FRMPD1: variants seen among roughly 807,000 people sequenced by gnomAD.
The protein encoded by FRMPD1 is FERM and PDZ domain containing 1.
A neutral mutation model predicts 117.8 loss-of-function variants in FRMPD1; 76 were observed. That is an observed-to-expected ratio of 0.65 (90% CI 0.54 to 0.78). The LOEUF (loss-of-function observed/expected upper bound fraction) is 0.78, where lower values mean the gene tolerates loss of function less well. Ranked by LOEUF, FRMPD1 falls within the 30% of genes least tolerant of loss-of-function variation. The probability of loss-of-function intolerance (pLI) is 0.00; values close to 1 mark genes in which losing one functional copy is unlikely to be tolerated. For synonymous variants in FRMPD1, 783 were observed against 770.4 expected (o/e 1.02, Z -0.27); for missense variants, 1,786 against 1,964.5 (o/e 0.91, Z 1.72).
chr9:37,737,977 G>A (rs2118455354), intron 14 of FRMPD1, among the ~76,000 whole-genome samples: 1 of 152,280 alleles, frequency 6.6e-6, no homozygotes, highest in South Asian at 2.1e-4. Flanking sequence ...CTGCAAGGCA[G>A]GTAAGACAGT....
the FRMPD1 span, among the ~76,000 whole-genome samples, chr9:37,635,190 C>T: frequency 6.6e-6 from 1 of 152,104 alleles, no homozygotes; most frequent in Non-Finnish European, 1.5e-5. Flanking sequence ...TATTGGCTGT[C>T]CTCTATGGGT....
chr9:37,709,292 A>AT (rs201128058), intron 4 of FRMPD1, among the ~76,000 whole-genome samples: 35 of 151,906 alleles, frequency 2.3e-4, no homozygotes, highest in Non-Finnish European at 4.7e-4. Context: ...ATATATATAT[A>AT]AAATTCAGTT....
chr9:37,743,687 A>C (rs896521718), intron 15 of FRMPD1, among the ~76,000 whole-genome samples: 3 of 151,240 alleles, frequency 2.0e-5, no homozygotes, highest in South Asian at 4.2e-4. Context: ...AGAAGTTGAG[A>C]TGCTGTGACC....
chr9:37,641,105 C>G, the FRMPD1 span, among the ~76,000 whole-genome samples: 7 of 152,260 alleles, frequency 4.6e-5, no homozygotes, highest in Admixed American at 3.9e-4. Flanking sequence ...CCAGGCTGGT[C>G]CTGGACTCCT....
chr9:37,681,983 T>C (rs1821746249), intron 1 of FRMPD1, among the ~76,000 whole-genome samples: 1 of 152,182 alleles, frequency 6.6e-6, no homozygotes, highest in South Asian at 2.1e-4. Flanking sequence ...TGGTGAAACA[T>C]GGTAGGCGGG....
At chr9:37,715,776 G>T (rs1038562625) in intron 5 of FRMPD1, 1 of 446,988 alleles carries the variant, frequency 2.2e-6, no homozygotes, top group Non-Finnish European at 4.5e-6. Flanking sequence ...CCACAGTGGG[G>T]CCTGTGTGTT....
chr9:37,678,303 C>T (rs1821603236), intron 1 of FRMPD1, among the ~76,000 whole-genome samples: 2 of 135,572 alleles, frequency 1.5e-5, no homozygotes, highest in Non-Finnish European at 3.1e-5. Context: ...ATCTGTTGCC[C>T]AGGCTGGAGT....
At chr9:37,626,307 C>T in the FRMPD1 span, among the ~76,000 whole-genome samples, 160 of 151,826 alleles carry the variant, frequency 1.1e-3, no homozygotes, top group African/African-American at 3.3e-3. Context: ...CCAGCCTGTG[C>T]GACAGAGCGA....
In FRMPD1 at chr9:37,746,750, G is replaced by A. The variant is rs757877299; in HGVS notation, c.4718G>A (p.Arg1573Gln). ...GTGTTCTGTTTGACCCAGAAGTTCC[G>A]GGCATCCACGGCCCTGTAAACAGGT... ...AAVFCLTQKF[R>Q]ASTAL Residue 1573 changes from arginine to glutamine, a missense_variant, in exon 16 of 16, where the codon CGG becomes CAG. Transcript: ENST00000377765. 28 of 1,613,722 alleles carry A rather than the reference G, an allele frequency of 1.7e-5. No homozygotes were observed. Among genetic ancestry groups the A allele is most frequent in the Middle Eastern group, 1.6e-4 (1 of 6,084 alleles).
At chr9:37,691,721 T>C (rs1489386878) in intron 1 of FRMPD1, among the ~76,000 whole-genome samples, 1 of 152,310 alleles carries the variant, frequency 6.6e-6, no homozygotes, top group Admixed American at 6.5e-5. Flanking sequence ...CTGGCCAACA[T>C]GGTGAAACCC....
rs1178638955 is a variant in FRMPD1, at chr9:37,740,665, G to A, written c.2137G>A (p.Val713Ile). The stretch of plus-strand genomic sequence containing the variant: ...TGACTACTACAGCCTGTGTTCCAGT[G>A]TCTCCCCGGCCAGCTACCTGAGTGA... ...HADYYSLCSSVSPASYLSDSS... is the reference protein window; with the variant it reads ...HADYYSLCSSISPASYLSDSS... Residue 713 changes from valine (V) to isoleucine (I), a missense_variant, in exon 15 of 16, where the codon GTC becomes ATC. Transcript: ENST00000377765. This position sits in a 1 kb window ranked among gnomAD's most constrained non-coding sequence, Gnocchi z 4.2. 6.2e-7 allele frequency: 1 copy of A among 1,614,090 alleles called. No homozygotes were observed. The highest frequency in any genetic ancestry group is 1.3e-5 in the African/African-American group (1 of 74,948).
intron 1 of FRMPD1, among the ~76,000 whole-genome samples, chr9:37,652,407 T>C (rs1407341241): frequency 6.6e-6 from 1 of 152,236 alleles, no homozygotes; most frequent in Non-Finnish European, 1.5e-5. Flanking sequence ...GTGAAATTTA[T>C]TCTTTTGCCC....
rs749927300 is a variant in FRMPD1, at chr9:37,740,698, G to A, written c.2170G>A (p.Glu724Lys). ...GGCCAGCTACCTGAGTGACAGTTCC[G>A]AGAGTACAGCTTCCCGGCAAGGGGG... is the stretch of plus-strand genomic sequence containing the variant. Reference protein sequence around the residue: ...SPASYLSDSSESTASRQGGAP... With the variant: ...SPASYLSDSSKSTASRQGGAP... Residue 724 changes from glutamate (E) to lysine (K), a missense_variant, in exon 15 of 16, where the codon GAG (glutamate) becomes AAG (lysine). By Grantham distance (56) the Glu-to-Lys change is moderately conservative. Transcript: ENST00000377765. The surrounding 1 kb of genome is among the most constrained non-coding windows in gnomAD (Gnocchi z 4.2). 36 of 1,613,952 alleles carry A rather than the reference G, an allele frequency of 2.2e-5. No homozygotes were observed. The highest frequency in any genetic ancestry group is 3.3e-5 in the South Asian group (3 of 91,074).
the FRMPD1 span, chr9:37,636,676 C>A: frequency 6.5e-7 from 1 of 1,530,374 alleles, no homozygotes; most frequent in African/African-American, 1.4e-5. Context: ...CTGTCCCACT[C>A]CAGTGCCCCT....
intron 5 of FRMPD1, among the ~76,000 whole-genome samples, chr9:37,714,733 G>A (rs765779995): frequency 2.0e-5 from 3 of 151,674 alleles, no homozygotes; most frequent in Non-Finnish European, 2.9e-5. Context: ...TGCAACCTCC[G>A]CCTCCTGGGT....
At chr9:37,662,778 GA>G (rs957225972) in intron 1 of FRMPD1, among the ~76,000 whole-genome samples, 49 of 149,194 alleles carry the variant, frequency 3.3e-4, no homozygotes, top group Admixed American at 1.0e-3. Flanking sequence ...TTCTTGGAAA[GA>G]AAAAAAAAAT....
At chr9:37,739,616 G>A (rs1588971877) in intron 14 of FRMPD1, among the ~76,000 whole-genome samples, 1 of 152,044 alleles carries the variant, frequency 6.6e-6, no homozygotes, top group East Asian at 1.9e-4. Context: ...CAGATTCTCA[G>A]GCCCCACTTC....
intron 2 of FRMPD1, among the ~76,000 whole-genome samples, chr9:37,700,172 A>G (rs2118094276): frequency 6.6e-6 from 1 of 152,292 alleles, no homozygotes; most frequent in Middle Eastern, 3.4e-3. Context: ...GTAGTCTGGA[A>G]GGCTCCTGGA....
rs1201488334 is a variant in FRMPD1, at chr9:37,740,803, C to A, written c.2275C>A (p.Pro759Thr). The change falls in exon 15 of 16, where the codon CCA becomes ACA. Residue 759 changes from proline to threonine, a missense_variant. Coordinates refer to ENST00000377765, the MANE Select transcript of FRMPD1 (RefSeq NM_014907.3). This position sits in a 1 kb window ranked among gnomAD's most constrained non-coding sequence, Gnocchi z 4.2. Reference protein sequence around the residue: ...SMLEPLALHPPLAFEDGSSDE... With the variant: ...SMLEPLALHPTLAFEDGSSDE... ...GCTGGAACCCCTGGCCCTGCACCCA[C>A]CACTGGCCTTTGAGGATGGCAGCTC... 36 of 1,614,160 alleles carry A rather than the reference C, an allele frequency of 2.2e-5. No individual in the cohort carries two copies. The highest frequency in any genetic ancestry group is 2.9e-5 in the Non-Finnish European group (34 of 1,179,980).
Sources: gnomAD v4.1 joint callset for allele counts (sites outside exome capture counted in the v4.1 genomes callset) on GRCh38, gnomAD v4.1.1 for gene constraint, Gnocchi (gnomAD v3.1) non-coding constraint, MANE v1.5 for transcripts, NCBI Gene and HGNC (gene_info 2026-07-23, HGNC 2026-07-21) for gene names.